The following CAPN8 variants were observed in gnomAD, a reference collection of about 807,000 sequenced individuals.
The protein encoded by CAPN8 is calpain-8.
Under a neutral mutation model 80.9 loss-of-function variants are expected in CAPN8, and 87 were observed. The observed-to-expected ratio is 1.07, with a 90% CI of 0.90 to 1.28. The LOEUF (loss-of-function observed/expected upper bound fraction) is 1.28. Ranked by LOEUF, CAPN8 falls within the 50% of genes most tolerant of loss-of-function variation. CAPN8 has a pLI of 0.00. For synonymous variants in CAPN8, 299 were observed against 273.8 expected (o/e 1.09, Z -0.91); for missense variants, 757 against 702.0 (o/e 1.08, Z -0.89).
intron 15 of CAPN8, among the ~76,000 whole-genome samples, chr1:223,549,821 T>C (rs1261458654): frequency 6.6e-6 from 1 of 152,236 alleles, no homozygotes; most frequent in Admixed American, 6.5e-5. Flanking sequence ...GCTAACTTTA[T>C]ATGGCTAGGT....
At chr1:223,552,561 A>T (rs1656820381) in intron 14 of CAPN8, among the ~76,000 whole-genome samples, 1 of 107,790 alleles carries the variant, frequency 9.3e-6, no homozygotes, top group African/African-American at 3.4e-5. Flanking sequence ...GTCCATCTCA[A>T]AAAAAAAAAA....
At chr1:223,634,217 G>A (rs1486439545) in intron 2 of CAPN8, among the ~76,000 whole-genome samples, 1 of 152,132 alleles carries the variant, frequency 6.6e-6, no homozygotes, top group Non-Finnish European at 1.5e-5. Flanking sequence ...GTTGTGGGGT[G>A]GACCTCTGGG....
intron 16 of CAPN8, among the ~76,000 whole-genome samples, chr1:223,546,892 GTTGTT>G (rs1193495736): frequency 6.7e-5 from 1 of 14,960 alleles, no homozygotes; most frequent in African/African-American, 1.7e-4. Context: ...TGTGGTTGTT[GTTGTT>G]GTTGTTGTTG....
intron 1 of CAPN8, among the ~76,000 whole-genome samples, chr1:223,662,275 C>G (rs1367200748): frequency 6.6e-6 from 1 of 152,030 alleles, no homozygotes; most frequent in Non-Finnish European, 1.5e-5. Flanking sequence ...TGGCAACACC[C>G]GATCTCTACT....
rs1656972948 is a variant in CAPN8, at chr1:223,609,202, C to A, written c.1486G>T (p.Asp496Tyr). Residue 496 changes from aspartate (D) to tyrosine (Y), a missense_variant, in exon 12 of 21, where the codon GAC becomes TAC. By Grantham distance (160) the Asp-to-Tyr change is radical. Coordinates refer to ENST00000366872, the MANE Select transcript of CAPN8 (RefSeq NM_001143962.2). ...VVPSTFEPFK[D>Y]GEFCLRVFSE... ...AACACTCTCAAGCAGAACTCGCCGT[C>A]TTTGAAGGGTTCAAATGTGGATGGC... The A allele has an allele frequency of 2.5e-6, 1 of 398,446 alleles. No individual in the cohort carries two copies. The highest frequency in any genetic ancestry group is 4.4e-6 in the Non-Finnish European group (1 of 226,074). 24.7% of individuals were successfully genotyped at this position (398,446 alleles called of 1,614,324 possible). A position where few individuals can be genotyped will look rare whatever the true frequency, so the allele number is the denominator to read the frequency against.
intron 12 of CAPN8, 48 bp downstream of exon 12, chr1:223,609,105 G>A (rs1174391095): frequency 2.0e-5 from 8 of 397,882 alleles, no homozygotes; most frequent in African/African-American, 4.1e-5. Context: ...ATTTCCCTTC[G>A]TGGGCCCACA....
At chr1:223,652,826 T>A (rs1022586728) in intron 2 of CAPN8, among the ~76,000 whole-genome samples, 2 of 152,118 alleles carry the variant, frequency 1.3e-5, no homozygotes, top group Non-Finnish European at 2.9e-5. Flanking sequence ...TTTGTTCTGA[T>A]GTGAGCTGGA....
intron 2 of CAPN8, among the ~76,000 whole-genome samples, chr1:223,631,107 C>T (rs1016817311): frequency 6.6e-6 from 1 of 152,176 alleles, no homozygotes; most frequent in African/African-American, 2.4e-5. Flanking sequence ...CCCAATCGAA[C>T]TTGGATATGT....
At chr1:223,653,671 C>T (rs964298135) in intron 2 of CAPN8, among the ~76,000 whole-genome samples, 1 of 152,180 alleles carries the variant, frequency 6.6e-6, no homozygotes, top group African/African-American at 2.4e-5. Context: ...AACGCAGAAA[C>T]TCCCATCTGT....
intron 10 of CAPN8, among the ~76,000 whole-genome samples, chr1:223,613,935 G>T (rs571195052): frequency 1.3e-5 from 2 of 152,236 alleles, no homozygotes; most frequent in African/African-American, 4.8e-5. Context: ...ATATGCCTGT[G>T]GCCAGATATA....
At chr1:223,621,800 G>A (rs1657401141) in intron 7 of CAPN8, among the ~76,000 whole-genome samples, 1 of 152,090 alleles carries the variant, frequency 6.6e-6, no homozygotes, top group African/African-American at 2.4e-5. Flanking sequence ...GACGTATTGG[G>A]AGGGGGCATT....
intron 5 of CAPN8, among the ~76,000 whole-genome samples, chr1:223,626,161 A>G (rs1488989553): frequency 6.6e-6 from 1 of 152,142 alleles, no homozygotes; most frequent in Non-Finnish European, 1.5e-5. Flanking sequence ...GAAGTCATTT[A>G]TTCTCTGAGA....
intron 2 of CAPN8, chr1:223,642,807 C>T (rs1382264551): frequency 1.8e-5 from 8 of 456,126 alleles, no homozygotes; most frequent in Non-Finnish European, 4.4e-6. Flanking sequence ...CTGAAGCCCA[C>T]CAGGCCAATT....
chr1:223,547,764 C>T (rs1182351651), intron 16 of CAPN8, among the ~76,000 whole-genome samples: 2 of 152,144 alleles, frequency 1.3e-5, no homozygotes, highest in African/African-American at 4.8e-5. Context: ...CCGTGAGAGA[C>T]ACAAATACCA....
chr1:223,620,803 G>A (rs1282216104), intron 7 of CAPN8, among the ~76,000 whole-genome samples: 1 of 152,112 alleles, frequency 6.6e-6, no homozygotes, highest in Admixed American at 6.6e-5. Context: ...CAATTTCCCA[G>A]AAGAAACGTC....
chr1:223,628,876 GC>G, intron 2 of CAPN8, 96 bp from the exon 3 acceptor site: 2 of 864,508 alleles, frequency 2.3e-6, no homozygotes, highest in Non-Finnish European at 3.6e-6. Context: ...AGTCCACGTT[GC>G]CACATTCCCT....
intron 19 of CAPN8, 122 bp from the exon 20 acceptor site, chr1:223,543,288 C>A: frequency 8.5e-7 from 1 of 1,174,958 alleles, no homozygotes; most frequent in East Asian, 2.6e-5. Context: ...CTACCACCCC[C>A]TCCCCTCCAG....
At chr1:223,631,373 C>A (rs963729682) in intron 2 of CAPN8, among the ~76,000 whole-genome samples, 1 of 152,172 alleles carries the variant, frequency 6.6e-6, no homozygotes, top group African/African-American at 2.4e-5. Context: ...TGCATCAACT[C>A]CTTGGCAGAG....
At chr1:223,626,507 G>C (rs1657582958) in intron 5 of CAPN8, among the ~76,000 whole-genome samples, 1 of 152,126 alleles carries the variant, frequency 6.6e-6, no homozygotes, top group Admixed American at 6.5e-5. Context: ...TCCAGCCTCT[G>C]TTTCCACAGC....
Sources: gnomAD v4.1 joint callset for allele counts (sites outside exome capture counted in the v4.1 genomes callset) on GRCh38, gnomAD v4.1.1 for gene constraint, MANE v1.5 for transcripts, NCBI Gene and HGNC (gene_info 2026-07-23, HGNC 2026-07-21) for gene names.